Variants in ARAP3 observed in about 807,000 individuals in gnomAD.
The protein encoded by ARAP3 is ArfGAP with RhoGAP domain, ankyrin repeat and PH domain 3, also known as arf-GAP with Rho-GAP domain, ANK repeat and PH domain-containing protein 3.
ARAP3 carries 82 observed loss-of-function variants against 169.2 expected under a neutral mutation model. That is an observed-to-expected ratio of 0.48 (90% CI 0.41 to 0.58). The LOEUF is 0.58. Among genes scored for constraint, ARAP3 ranks in the 20% least tolerant of loss-of-function variants. ARAP3 has a pLI of 0.00. For missense variants in ARAP3, 1,764 were observed against 2,018.0 expected (o/e 0.87, Z 2.41); for synonymous variants, 791 against 800.3 (o/e 0.99, Z 0.20).
At position 141,653,667 on chromosome 5, in the gene ARAP3, G is replaced by A. The variant is rs2099908820; in HGVS notation, c.*283C>T. On this transcript the variant is annotated 3_prime_UTR_variant, in exon 33 of 33. Transcript: ENST00000239440. Reference sequence around the variant, plus strand: ...ATAAAGCAGGAGCTGCCCTTGTTCAGGGATAATATGTGGGGCTTATGGCTC... The same window carrying A: ...ATAAAGCAGGAGCTGCCCTTGTTCAAGGATAATATGTGGGGCTTATGGCTC... 1 of 326,142 alleles carries A rather than the reference G, an allele frequency of 3.1e-6. No individual in the cohort carries two copies. Among genetic ancestry groups the A allele is most frequent in the African/African-American group, 2.1e-5 (1 of 47,016 alleles). 20.2% of individuals were successfully genotyped at this position (326,142 alleles called of 1,614,324 possible). A position where few individuals can be genotyped will look rare whatever the true frequency, so the allele number is the denominator to read the frequency against.
chr5:141,670,454 C>A, intron 14 of ARAP3, 58 bp downstream of exon 14: 1 of 1,525,514 alleles, frequency 6.6e-7, no homozygotes, highest in Non-Finnish European at 9.1e-7. Flanking sequence ...CTCTGCAGTA[C>A]CCTCACACCC....
chr5:141,661,734 C>T lies in ARAP3; in HGVS notation c.3069G>A (p.Leu1023=). ...CCAGTGTGCGGCGGTTGACCCGCGG[C>T]AGGCAGCCAATCACATCTTTATATT... is the stretch of plus-strand genomic sequence containing the variant. ...LEKYKDVIGC[L]PRVNRRTLAT... is the part of the protein sequence containing the mutation. Residue 1023 remains leucine, a synonymous_variant, in exon 21 of 33, where the codon CTG becomes CTA. Coordinates refer to ENST00000239440, the MANE Select transcript of ARAP3 (RefSeq NM_022481.6). 1 of 1,614,236 alleles carries T rather than the reference C, an allele frequency of 6.2e-7. No individual in the cohort carries two copies. Among genetic ancestry groups the T allele is most frequent in the Non-Finnish European group, 8.5e-7 (1 of 1,180,044 alleles).
chr5:141,657,249 G>C lies in ARAP3; in HGVS notation c.3527-403C>G, dbSNP rs532729924. Among the ~76,000 whole-genome samples the C allele has an allele frequency of 3.9e-5, 6 of 152,336 alleles. No homozygotes were observed. In the South Asian group the frequency reaches 1.2e-3, roughly 32 times the overall value. On this transcript the variant is annotated intron_variant, in intron 25 of 32. Transcript: ENST00000239440. ...AAGATTGGGTGGTAGAAGATTTCAA[G>C]CATGACAAAATGCAAGAACAAAGGC...
Position 141,655,351 on chromosome 5 carries a change from A to T in ARAP3, c.4149+11T>A. 1 of 1,574,984 alleles carries T rather than the reference A, an allele frequency of 6.3e-7. No homozygotes were observed. The highest frequency in any genetic ancestry group is 8.6e-7 in the Non-Finnish European group (1 of 1,159,844). On this transcript the variant is annotated intron_variant, in intron 32 of 32. Coordinates refer to ENST00000239440, the MANE Select transcript of ARAP3 (RefSeq NM_022481.6). Reference sequence around the variant, plus strand: ...TGACAGGCACACCGCTGGAGCAGGCACAATACTCACAAAGAACATGGACAG... The same window carrying T: ...TGACAGGCACACCGCTGGAGCAGGCTCAATACTCACAAAGAACATGGACAG...
chr5:141,661,975 C>A, intron 20 of ARAP3, 68 bp downstream of exon 20: 1 of 1,599,058 alleles, frequency 6.3e-7, no homozygotes, highest in Non-Finnish European at 8.6e-7. Flanking sequence ...GGCTGCCAAA[C>A]CATGGATTCT....
At position 141,673,643 on chromosome 5, in the gene ARAP3, G is replaced by A. The variant is rs1361730304; in HGVS notation, c.864C>T (p.Pro288=). 2 of 1,614,202 alleles carry A rather than the reference G, an allele frequency of 1.2e-6. No individual in the cohort carries two copies. Among genetic ancestry groups the A allele is most frequent in the Non-Finnish European group, 1.7e-6 (2 of 1,180,040 alleles). The change falls in exon 5 of 33, where the codon CCC becomes CCT. Residue 288 remains proline, a synonymous_variant. Coordinates refer to ENST00000239440, the MANE Select transcript of ARAP3 (RefSeq NM_022481.6). ...SFSFTADRLT[P]LLSGWLDKLS... ...GCTTGTCTAGCCAGCCACTGAGCAG[G>A]GGCGTGAGGCGGTCTGCCGTGAAGG...
intron 16 of ARAP3, among the ~76,000 whole-genome samples, chr5:141,667,426 A>G (rs1489371980): frequency 6.8e-6 from 1 of 147,728 alleles, no homozygotes; most frequent in Non-Finnish European, 1.5e-5. Context: ...CCAATAGTGT[A>G]CTTTCTTTCT....
chr5:141,677,776 TG>T (rs1369897052), intron 4 of ARAP3, among the ~76,000 whole-genome samples: 1 of 143,440 alleles, frequency 7.0e-6, no homozygotes, highest in Admixed American at 6.9e-5. Flanking sequence ...TTTTTGTTTT[TG>T]TTTTTTTTGT....
Position 141,671,387 on chromosome 5 carries a change from G to A in ARAP3, c.1868C>T (p.Ala623Val). The A allele has an allele frequency of 6.2e-7, 1 of 1,611,782 alleles. No individual in the cohort carries two copies. Among genetic ancestry groups the A allele is most frequent in the Non-Finnish European group, 8.5e-7 (1 of 1,178,850 alleles). ...CTTCAGCAGGTTGGGTCTTGCCACAGCTGCACACAGTGCCTGCAGGGAGGG... is the reference window on the plus strand; with the variant it reads ...CTTCAGCAGGTTGGGTCTTGCCACAACTGCACACAGTGCCTGCAGGGAGGG... ...HSQLLQALCA[A>V]VARPNLLKNM... The change falls in exon 13 of 33, where the codon GCT becomes GTT. Residue 623 changes from alanine to valine, a missense_variant. Physicochemically the swap from Ala to Val is moderately conservative, Grantham distance 64. Coordinates refer to ENST00000239440, the MANE Select transcript of ARAP3 (RefSeq NM_022481.6). This position sits in a 1 kb window ranked among gnomAD's most constrained non-coding sequence, Gnocchi z 4.9.
rs766348397 is a variant in ARAP3, at chr5:141,673,392, GCCC to G, written c.972+6_972+8del. On this transcript the variant is annotated splice_donor_region_variant and intron_variant, in intron 6 of 32. Coordinates refer to ENST00000239440, the MANE Select transcript of ARAP3 (RefSeq NM_022481.6). ...CATCTCCATATCGTCACATCTCCCA[GCCC>G]CCCACCTTGTCACTGCCAAAGTACA... 98 of 1,613,544 alleles carry G rather than the reference GCCC, an allele frequency of 6.1e-5. No homozygotes were observed. The highest frequency in any genetic ancestry group is 1.7e-4 in the Admixed American group (10 of 59,914).
rs1214992472 is a variant in ARAP3, at chr5:141,655,615, C to A, written c.4110+6G>T. 6.2e-7 allele frequency: 1 copy of A among 1,613,978 alleles called. No individual in the cohort carries two copies. The highest frequency in any genetic ancestry group is 1.3e-5 in the African/African-American group (1 of 74,996). On this transcript the variant is annotated splice_donor_region_variant and intron_variant, in intron 31 of 32. Coordinates refer to ENST00000239440, the MANE Select transcript of ARAP3 (RefSeq NM_022481.6). ...AATCGGGTTGGGGCAGGGTGGGGTG[C>A]CTTACCAGGGTCTGATTGGCAGAGA...
intron 14 of ARAP3, among the ~76,000 whole-genome samples, 188 bp downstream of exon 14, chr5:141,670,323 CA>C (rs1456005816): frequency 6.6e-6 from 1 of 152,116 alleles, no homozygotes; most frequent in African/African-American, 2.4e-5. Flanking sequence ...GACTTCAGAA[CA>C]GATGCTCTTA....
intron 4 of ARAP3, among the ~76,000 whole-genome samples, chr5:141,677,846 A>C (rs2154599250): frequency 6.6e-6 from 1 of 151,992 alleles, no homozygotes; most frequent in Admixed American, 6.5e-5. Flanking sequence ...GGGCAGTGGC[A>C]TGATCTTGAC....
At position 141,672,009 on chromosome 5, in the gene ARAP3, G is replaced by A. The variant is rs1176609957; in HGVS notation, c.1586-29C>T. On this transcript the variant is annotated intron_variant, in intron 10 of 32. Coordinates refer to ENST00000239440, the MANE Select transcript of ARAP3 (RefSeq NM_022481.6). This position sits in a 1 kb window ranked among gnomAD's most constrained non-coding sequence, Gnocchi z 4.9. ...TGAGGGTGTGAGGGTGTGTGAGGGT[G>A]TGTGAGGGTGTGAGGGGCATGTGGC... 2 of 1,613,966 alleles carry A rather than the reference G, an allele frequency of 1.2e-6. No individual in the cohort carries two copies. The highest frequency in any genetic ancestry group is 1.7e-6 in the Non-Finnish European group (2 of 1,179,966).
At position 141,658,578 on chromosome 5, in the gene ARAP3, C is replaced by A; in HGVS notation, c.3411+1G>T. The A allele has an allele frequency of 6.2e-7, 1 of 1,613,922 alleles. No individual in the cohort carries two copies. Among genetic ancestry groups the A allele is most frequent in the South Asian group, 1.1e-5 (1 of 91,040 alleles). Reference sequence around the variant, plus strand: ...TCCCCTCCAGTCCCCTCAGGACCAACCTTCAGGGTGACACAGTTGTCTGGG... The same window carrying A: ...TCCCCTCCAGTCCCCTCAGGACCAAACTTCAGGGTGACACAGTTGTCTGGG... On this transcript the variant is annotated splice_donor_variant, in intron 24 of 32. Transcript: ENST00000239440. LOFTEE classifies it high-confidence loss of function.
rs1257733627 is a variant in ARAP3, at chr5:141,672,930, T to G, written c.1094-5A>C. 5 of 1,611,680 alleles carry G rather than the reference T, an allele frequency of 3.1e-6. No individual in the cohort carries two copies. Among genetic ancestry groups the G allele is most frequent in the Non-Finnish European group, 3.4e-6 (4 of 1,178,742 alleles). ...AGCACCACATGTCCCGCTGAGCTGG[T>G]GGGGATGGAGAAGCAGGTCAGTGGC... On this transcript the variant is annotated splice_region_variant and splice_polypyrimidine_tract_variant and intron_variant, in intron 7 of 32. Coordinates refer to ENST00000239440, the MANE Select transcript of ARAP3 (RefSeq NM_022481.6). This position sits in a 1 kb window ranked among gnomAD's most constrained non-coding sequence, Gnocchi z 4.9.
Position 141,666,632 on chromosome 5 carries a change from C to A in ARAP3, c.2364G>T (p.Pro788=). Residue 788 remains proline (P), a synonymous_variant, in exon 17 of 33, where the codon CCG becomes CCT. Transcript: ENST00000239440. ...GGCCCAGCAGCTGGTGGCAGCTCAG[C>A]GGGGAGAACCACTGTAGAGGCAGGG... The part of the protein sequence containing the change: ...WTSAVGKWFS[P]LSCHQLLGPG... 7.1e-7 allele frequency: 1 copy of A among 1,409,714 alleles called. No individual in the cohort carries two copies. The highest frequency in any genetic ancestry group is 3.0e-5 in the Admixed American group (1 of 33,642). The allele number at this position is 1,409,714 out of a possible 1,614,324, so 87.3% of individuals were successfully genotyped here. A position where few individuals can be genotyped will look rare whatever the true frequency, so the allele number is the denominator to read the frequency against.
chr5:141,657,917 G>A (rs1221841486), intron 25 of ARAP3, among the ~76,000 whole-genome samples: 1 of 152,164 alleles, frequency 6.6e-6, no homozygotes. Context: ...GAGGTGTTGA[G>A]TAGGCATTTG....
At chr5:141,667,579 G>A (rs1461925740) in intron 16 of ARAP3, among the ~76,000 whole-genome samples, 2 of 150,810 alleles carry the variant, frequency 1.3e-5, no homozygotes, top group Non-Finnish European at 3.0e-5. Context: ...GACTATAGGC[G>A]CTAATGTCTG....
Sources: allele counts gnomAD v4.1 joint callset (sites outside exome capture counted in the v4.1 genomes callset), GRCh38; gene constraint gnomAD v4.1.1; non-coding constraint Gnocchi (gnomAD v3.1); transcripts MANE v1.5; gene names NCBI Gene and HGNC (gene_info 2026-07-23, HGNC 2026-07-21).